The following CSMD1 variants were observed in gnomAD, a reference collection of about 807,000 sequenced individuals.
CSMD1 encodes CUB and sushi domain-containing protein 1.
A neutral mutation model predicts 417.5 loss-of-function variants in CSMD1; 213 were observed. The observed-to-expected ratio is 0.51, with a 90% CI of 0.46 to 0.57. The LOEUF is 0.57. CSMD1 is among the 20% of genes least tolerant of loss of function. The pLI, the probability that CSMD1 is intolerant of heterozygous loss-of-function variation, is 0.00. For synonymous variants in CSMD1, 2,862 were observed against 1,736.8 expected, an observed-to-expected ratio of 1.65 and a Z score of -16.11; for missense variants, 6,923 against 4,529.7, an observed-to-expected ratio of 1.53 and a Z score of -15.17.
intron 5 of CSMD1, among the ~76,000 whole-genome samples, chr8:3,995,689 G>C (rs1049081187): frequency 1.3e-5 from 2 of 152,210 alleles, no homozygotes; most frequent in Admixed American, 6.5e-5. Context: ...GACAATAGTA[G>C]ACAATAGTAA....
chr8:3,085,335 G>C (rs536097304), intron 49 of CSMD1, among the ~76,000 whole-genome samples: 2 of 152,240 alleles, frequency 1.3e-5, no homozygotes, highest in South Asian at 2.1e-4. Context: ...AACAGGAAGT[G>C]TAGAAAGTCA....
intron 5 of CSMD1, among the ~76,000 whole-genome samples, chr8:3,791,242 T>G (rs578239000): frequency 2.0e-5 from 3 of 152,322 alleles, no homozygotes; most frequent in African/African-American, 7.2e-5. Flanking sequence ...CTTTTAGAGA[T>G]TCTATAATTA....
At chr8:4,443,037 G>C (rs1331106577) in intron 2 of CSMD1, among the ~76,000 whole-genome samples, 2 of 152,122 alleles carry the variant, frequency 1.3e-5, no homozygotes, top group Non-Finnish European at 2.9e-5. Context: ...GATTTCGATT[G>C]TAATTGTGAA....
intron 2 of CSMD1, among the ~76,000 whole-genome samples, chr8:4,484,793 C>A (rs902293484): frequency 6.6e-6 from 1 of 151,680 alleles, no homozygotes; most frequent in African/African-American, 2.4e-5. Flanking sequence ...CACGGTGAAA[C>A]CCCGTCTCTA....
intron 42 of CSMD1, among the ~76,000 whole-genome samples, chr8:3,116,143 G>A (rs189864796): frequency 1.3e-4 from 19 of 151,884 alleles, no homozygotes; most frequent in East Asian, 3.9e-4. Context: ...CACCTTTTGC[G>A]TTAAATAACA....
At chr8:3,934,291 A>T (rs1810341485) in intron 5 of CSMD1, among the ~76,000 whole-genome samples, 1 of 152,260 alleles carries the variant, frequency 6.6e-6, no homozygotes, top group South Asian at 2.1e-4. Flanking sequence ...ATCTGAACCA[A>T]AGTGCCTACT....
chr8:3,847,254 G>T (rs1429133432), intron 5 of CSMD1, among the ~76,000 whole-genome samples: 2 of 152,248 alleles, frequency 1.3e-5, no homozygotes, highest in East Asian at 1.9e-4. Flanking sequence ...GATGTAGAAA[G>T]GTCCCTAATC....
intron 3 of CSMD1, among the ~76,000 whole-genome samples, chr8:4,363,430 G>A (rs1430990927): frequency 6.6e-6 from 1 of 152,092 alleles, no homozygotes; most frequent in Non-Finnish European, 1.5e-5. Context: ...TTTTATTCCT[G>A]CTCCCCTCAT....
chr8:3,932,404 T>C (rs970246062), intron 5 of CSMD1, among the ~76,000 whole-genome samples: 3 of 150,454 alleles, frequency 2.0e-5, no homozygotes, highest in Non-Finnish European at 4.4e-5. Context: ...ACATATGCCA[T>C]CTGCATTGAC....
intron 12 of CSMD1, among the ~76,000 whole-genome samples, chr8:3,443,142 A>C (rs1314591515): frequency 1.3e-5 from 2 of 152,224 alleles, no homozygotes; most frequent in African/African-American, 4.8e-5. Flanking sequence ...TGAGCAGTGT[A>C]CACTGCACAC....
chr8:4,354,500 G>C lies in CSMD1; in HGVS notation c.415+65453C>G, dbSNP rs145304737. 3.4e-4 allele frequency among the ~76,000 whole-genome samples: 52 copies of C among 152,248 alleles called. 2 individuals carry two copies. The East Asian group carries it at 9.9e-3, about 29-fold the overall frequency. On this transcript the variant is annotated intron_variant, in intron 3 of 69. Coordinates refer to ENST00000635120, the MANE Select transcript of CSMD1 (RefSeq NM_033225.6). ...GGGTGGAATGTCAGAGAGAAAATCA[G>C]AGTCATGAATGTTTAATCACTTGAT...
chr8:3,158,012 G>C, intron 38 of CSMD1, 46 bp from the exon 39 acceptor site: 1 of 1,400,644 alleles, frequency 7.1e-7, no homozygotes, highest in Non-Finnish European at 9.9e-7. Flanking sequence ...TAAAAACAGA[G>C]TATTTAAGGA....
At chr8:4,589,741 CA>C (rs1459362120) in intron 2 of CSMD1, among the ~76,000 whole-genome samples, 1 of 151,816 alleles carries the variant, frequency 6.6e-6, no homozygotes, top group Admixed American at 6.6e-5. Flanking sequence ...TTATCACGGC[CA>C]AAAAAATGAT....
chr8:3,029,104 G>C (rs1159054155), intron 51 of CSMD1, among the ~76,000 whole-genome samples: 2 of 152,012 alleles, frequency 1.3e-5, no homozygotes, highest in African/African-American at 4.8e-5. Flanking sequence ...ACAAGGAAAA[G>C]ACAACATCAA....
chr8:2,992,769 G>C (rs957733362), intron 54 of CSMD1, among the ~76,000 whole-genome samples: 4 of 151,836 alleles, frequency 2.6e-5, no homozygotes, highest in African/African-American at 9.7e-5. Flanking sequence ...TTGAGATGGG[G>C]TCTTGCTCTG....
intron 13 of CSMD1, among the ~76,000 whole-genome samples, chr8:3,408,433 A>G (rs1812481272): frequency 6.6e-6 from 1 of 151,366 alleles, no homozygotes; most frequent in African/African-American, 2.5e-5. Context: ...ATAGAGCACA[A>G]CCAGAACCTA....
rs1337936594 is a variant in CSMD1, at chr8:2,974,518, G to A, written c.8673C>T (p.Leu2891=). Residue 2891 remains leucine, a synonymous_variant, in exon 56 of 70, where the codon CTC becomes CTT. Transcript: ENST00000635120. ...GGCACACTCTCGTGTCGTTGCCTAT[G>A]AGGCTCTCGCTCCCTCTGCAGGAGT... The part of the protein sequence containing the change: ...VHYSCRGSES[L]IGNDTRVCQE... The A allele has an allele frequency of 1.2e-6, 2 of 1,613,624 alleles. No individual in the cohort carries two copies. Among genetic ancestry groups the A allele is most frequent in the Non-Finnish European group, 1.7e-6 (2 of 1,179,724 alleles).
chr8:4,484,980 C>CAAAAAAAAAAAAAAAAAAAA (rs57398278), intron 2 of CSMD1, among the ~76,000 whole-genome samples: 9 of 53,940 alleles, frequency 1.7e-4, no homozygotes, highest in Non-Finnish European at 2.5e-4. Flanking sequence ...GACTCTGCCT[C>CAAAAAAAAAAAAAAAAAAAA]AAAAAAAAAA....
chr8:3,798,466 G>C (rs1448063739), intron 5 of CSMD1, among the ~76,000 whole-genome samples: 1 of 152,030 alleles, frequency 6.6e-6, no homozygotes, highest in East Asian at 1.9e-4. Context: ...GGAACCACTT[G>C]ATTCATATCT....
Sources: allele counts gnomAD v4.1 joint callset (sites outside exome capture counted in the v4.1 genomes callset), GRCh38; gene constraint gnomAD v4.1.1; transcripts MANE v1.5; gene names NCBI Gene and HGNC (gene_info 2026-07-23, HGNC 2026-07-21).